Variants in KCTD16 observed in about 807,000 individuals in gnomAD.
KCTD16 encodes BTB/POZ domain-containing protein KCTD16.
Under a neutral mutation model 33.2 loss-of-function variants are expected in KCTD16, and 13 were observed. That is an observed-to-expected ratio of 0.39 (90% confidence interval 0.25 to 0.62). The LOEUF (loss-of-function observed/expected upper bound fraction) is 0.62. Ranked by LOEUF, KCTD16 falls within the 20% of genes least tolerant of loss-of-function variation. The pLI, the probability that KCTD16 is intolerant of heterozygous loss-of-function variation, is 0.50. For synonymous variants in KCTD16, 197 were observed against 195.3 expected (o/e 1.01, Z -0.07); for missense variants, 441 against 525.1 (o/e 0.84, Z 1.57).
intron 3 of KCTD16, among the ~76,000 whole-genome samples, chr5:144,330,150 C>A (rs1050629608): frequency 6.6e-6 from 1 of 152,062 alleles, no homozygotes; most frequent in Non-Finnish European, 1.5e-5. Flanking sequence ...TGGTGGCTCA[C>A]GCCTGTAATC....
intron 3 of KCTD16, among the ~76,000 whole-genome samples, chr5:144,225,552 T>TTGTGTGTGTGTG (rs10550980): frequency 6.1e-4 from 84 of 138,318 alleles, no homozygotes; most frequent in African/African-American, 1.6e-3. Context: ...CAAAAATAAA[T>TTGTGTGTGTGTG]TGTGTGTGTG....
chr5:144,448,141 ATGCTGTAGTCTCTT>A (rs1257192144), intron 3 of KCTD16, among the ~76,000 whole-genome samples: 1 of 151,686 alleles, frequency 6.6e-6, no homozygotes, highest in Non-Finnish European at 1.5e-5. Flanking sequence ...TATCCCATTG[ATGCTGTAGTCTCTT>A]TGCCTATACT....
rs1215252330 is a variant in KCTD16 at position 144,476,773 on chromosome 5, GGTAA to G, written c.*2662_*2665del. 6.6e-6 allele frequency: 1 copy of G among 152,078 alleles called. No individual in the cohort carries two copies. Among genetic ancestry groups the G allele is most frequent in the African/African-American group, 2.4e-5 (1 of 41,396 alleles). 9.4% of individuals were successfully genotyped at this position (152,078 alleles called of 1,614,324 possible). On this transcript the variant is annotated 3_prime_UTR_variant, in exon 4 of 4. Coordinates refer to ENST00000512467, the MANE Select transcript of KCTD16 (RefSeq NM_020768.4). ...CCTGCAACACTGGAAATGAGTTCTG[GGTAA>G]GTGAGTTATAAGAGTACATGCTCTA...
chr5:144,237,457 G>GTT (rs1754285490), intron 3 of KCTD16, among the ~76,000 whole-genome samples: 2 of 152,032 alleles, frequency 1.3e-5, no homozygotes, highest in South Asian at 4.1e-4. Flanking sequence ...TTTAGATCAA[G>GTT]TTAAACATAA....
rs549271135 is a variant in KCTD16, at chr5:144,269,457, GA to G, written c.832+61918del. ...GGGTGATATATTCAAAGCATTAAAA[GA>G]AAAAAATCAACAAATAATCCTATAT... On this transcript the variant is annotated intron_variant, in intron 3 of 3. Transcript: ENST00000512467. Among the ~76,000 whole-genome samples, 39 of 151,974 alleles carry G rather than the reference GA, an allele frequency of 2.6e-4. No individual in the cohort carries two copies. The East Asian group carries it at 4.3e-3, about 17-fold the overall frequency.
At chr5:144,409,037 C>T (rs1270760899) in intron 3 of KCTD16, among the ~76,000 whole-genome samples, 1 of 152,168 alleles carries the variant, frequency 6.6e-6, no homozygotes, top group African/African-American at 2.4e-5. Flanking sequence ...TTCATGAGGA[C>T]TGAGTCCTTA....
At chr5:144,456,538 G>A (rs1161983181) in intron 3 of KCTD16, among the ~76,000 whole-genome samples, 1 of 152,144 alleles carries the variant, frequency 6.6e-6, no homozygotes, top group East Asian at 1.9e-4. Flanking sequence ...AGGGCCATCT[G>A]ACAGTGCAAT....
chr5:144,344,546 A>T (rs1752734046), intron 3 of KCTD16, among the ~76,000 whole-genome samples: 1 of 151,854 alleles, frequency 6.6e-6, no homozygotes, highest in African/African-American at 2.4e-5. Context: ...TGGGCAAAGG[A>T]CATGAACAGA....
At position 144,473,832 on chromosome 5, in the gene KCTD16, C is replaced by A; in HGVS notation, c.1005C>A (p.Arg335=). The change falls in exon 4 of 4, where the codon CGC becomes CGA. Residue 335 remains arginine (R), a synonymous_variant. Coordinates refer to ENST00000512467, the MANE Select transcript of KCTD16 (RefSeq NM_020768.4). ...CGGTCATCTGTGGTCCCGTGACACG[C>A]CAGACCAACATCCAGACTCTGGACC... is the stretch of plus-strand genomic sequence containing the variant. ...QETVICGPVT[R]QTNIQTLDRP... 1 of 1,614,120 alleles carries A rather than the reference C, an allele frequency of 6.2e-7. No individual in the cohort carries two copies.
intron 3 of KCTD16, among the ~76,000 whole-genome samples, chr5:144,299,720 G>T (rs949355729): frequency 2.0e-5 from 3 of 151,750 alleles, no homozygotes; most frequent in Non-Finnish European, 4.4e-5. Context: ...CAACACAGTT[G>T]GTACTAACTA....
chr5:144,465,006 AC>A (rs757975773), intron 3 of KCTD16, among the ~76,000 whole-genome samples: 39 of 152,172 alleles, frequency 2.6e-4, no homozygotes, highest in Non-Finnish European at 2.9e-4. Flanking sequence ...GCATCTGGTA[AC>A]ATTTGTTCTT....
chr5:144,413,640 A>T (rs1260510632), intron 3 of KCTD16, among the ~76,000 whole-genome samples: 1 of 152,188 alleles, frequency 6.6e-6, no homozygotes, highest in East Asian at 1.9e-4. Context: ...AGAAGGATTA[A>T]AACAAAAACG....
intron 3 of KCTD16, among the ~76,000 whole-genome samples, chr5:144,368,237 G>A (rs1038773325): frequency 7.9e-5 from 12 of 152,096 alleles, no homozygotes; most frequent in South Asian, 2.1e-4. Flanking sequence ...GAATTTGCAG[G>A]TGAAATTAAA....
chr5:144,189,150 T>C (rs967767615), intron 2 of KCTD16, among the ~76,000 whole-genome samples: 3 of 152,184 alleles, frequency 2.0e-5, no homozygotes, highest in Admixed American at 1.3e-4. Flanking sequence ...AACGCACAGC[T>C]CTTAACCTAC....
chr5:144,435,042 T>C (rs776141638), intron 3 of KCTD16, among the ~76,000 whole-genome samples: 10 of 152,132 alleles, frequency 6.6e-5, no homozygotes, highest in Non-Finnish European at 1.3e-4. Context: ...CAGAGGCAAA[T>C]GTCAAGAACC....
At chr5:144,221,844 T>C (rs928196433) in intron 3 of KCTD16, among the ~76,000 whole-genome samples, 2 of 152,220 alleles carry the variant, frequency 1.3e-5, no homozygotes, top group Non-Finnish European at 2.9e-5. Flanking sequence ...ATCCCCACAC[T>C]GTCTTCCACA....
chr5:144,337,010 T>C (rs1425331260), intron 3 of KCTD16, among the ~76,000 whole-genome samples: 1 of 151,132 alleles, frequency 6.6e-6, no homozygotes, highest in Non-Finnish European at 1.5e-5. Context: ...TAATGTTATA[T>C]TTTGCTATAT....
intron 3 of KCTD16, among the ~76,000 whole-genome samples, chr5:144,217,742 C>G (rs935222914): frequency 6.6e-6 from 1 of 152,002 alleles, no homozygotes; most frequent in African/African-American, 2.4e-5. Context: ...TCTAGTACTT[C>G]TCCACAATCT....
intron 3 of KCTD16, among the ~76,000 whole-genome samples, chr5:144,311,019 A>G (rs1000595589): frequency 6.6e-6 from 1 of 152,196 alleles, no homozygotes; most frequent in African/African-American, 2.4e-5. Context: ...CCTAATGCCC[A>G]TTGAAGTCTG....
Sources: allele counts gnomAD v4.1 joint callset (sites outside exome capture counted in the v4.1 genomes callset), GRCh38; gene constraint gnomAD v4.1.1; transcripts MANE v1.5; gene names NCBI Gene and HGNC (gene_info 2026-07-23, HGNC 2026-07-21).